The following PDIA5 variants were observed in gnomAD, a reference collection of about 807,000 sequenced individuals.
The protein encoded by PDIA5 is protein disulfide isomerase family A member 5.
PDIA5 carries 58 observed loss-of-function variants against 77.6 expected under a neutral mutation model. The observed-to-expected ratio is 0.75, with a 90% confidence interval of 0.61 to 0.93. PDIA5 has a LOEUF of 0.93. PDIA5 is among the 40% of genes least tolerant of loss of function. PDIA5 has a pLI of 0.00. For missense variants in PDIA5, 630 were observed against 647.7 expected, an observed-to-expected ratio of 0.97 and a Z score of 0.30; for synonymous variants, 250 against 252.1, an observed-to-expected ratio of 0.99 and a Z score of 0.08.
chr3:123,120,646 C>G (rs1169677154), intron 8 of PDIA5, among the ~76,000 whole-genome samples: 1 of 152,246 alleles, frequency 6.6e-6, no homozygotes, highest in African/African-American at 2.4e-5. Flanking sequence ...CCCCTAAGTG[C>G]CAGTGCCACG....
At chr3:123,096,681 G>T (rs1560510228) in intron 3 of PDIA5, among the ~76,000 whole-genome samples, 1 of 152,168 alleles carries the variant, frequency 6.6e-6, no homozygotes, top group Non-Finnish European at 1.5e-5. Flanking sequence ...TGGGGTGTCT[G>T]TAGGGCATCT....
Position 123,111,641 on chromosome 3 carries a change from C to G in PDIA5, c.541+637C>G, listed in dbSNP as rs1322342693. Among the ~76,000 whole-genome samples, 4 of 152,252 alleles carry G rather than the reference C, an allele frequency of 2.6e-5. No homozygotes were observed. The East Asian group carries it at 7.7e-4, about 29-fold the overall frequency. ...GGGTGAACTTGGCCAAGTCCTTCCTCACTAGGTCTCAGTTTCCACATCTGT... is the reference window on the plus strand; with the variant it reads ...GGGTGAACTTGGCCAAGTCCTTCCTGACTAGGTCTCAGTTTCCACATCTGT... On this transcript the variant is annotated intron_variant, in intron 7 of 16. Transcript: ENST00000316218.
chr3:123,108,244 G>A lies in PDIA5; in HGVS notation c.480+1403G>A, dbSNP rs138681541. On this transcript the variant is annotated intron_variant, in intron 6 of 16. Transcript: ENST00000316218. ...TTAAGGACTGGGCACAACATTCTCT[G>A]GGATACAAAGAGCCAGTATTGTCAT... 4.6e-5 allele frequency among the ~76,000 whole-genome samples: 7 copies of A among 151,672 alleles called. No individual in the cohort carries two copies. In the East Asian group the frequency reaches 9.8e-4, roughly 21 times the overall value.
At chr3:123,129,952 G>A (rs1935334784) in intron 10 of PDIA5, among the ~76,000 whole-genome samples, 1 of 152,036 alleles carries the variant, frequency 6.6e-6, no homozygotes, top group African/African-American at 2.4e-5. Context: ...CCCCCATGTG[G>A]CAGCTTCCCC....
At chr3:123,138,594 G>GA (rs1935550385) in intron 11 of PDIA5, among the ~76,000 whole-genome samples, 1 of 152,110 alleles carries the variant, frequency 6.6e-6, no homozygotes, top group African/African-American at 2.4e-5. Context: ...TAACATAAAG[G>GA]AAAAAACAAA....
intron 1 of PDIA5, among the ~76,000 whole-genome samples, chr3:123,073,035 T>G (rs1933766295): frequency 6.6e-6 from 1 of 152,140 alleles, no homozygotes; most frequent in African/African-American, 2.4e-5. Flanking sequence ...GCTGGCCCAT[T>G]CCTTCTGCCT....
chr3:123,089,382 A>G (rs1934229549), intron 2 of PDIA5, 88 bp downstream of exon 2: 1 of 1,338,248 alleles, frequency 7.5e-7, no homozygotes, highest in Non-Finnish European at 1.1e-6. Context: ...CGTTAGGATG[A>G]AAACCACTTA....
intron 10 of PDIA5, among the ~76,000 whole-genome samples, chr3:123,126,873 G>A (rs762732798): frequency 6.6e-6 from 1 of 152,224 alleles, no homozygotes; most frequent in African/African-American, 2.4e-5. Context: ...AGGGCAGGGA[G>A]TCAGCCCCTG....
intron 11 of PDIA5, among the ~76,000 whole-genome samples, chr3:123,139,900 C>G (rs760697223): frequency 2.6e-5 from 4 of 152,314 alleles, no homozygotes; most frequent in Admixed American, 6.5e-5. Context: ...CCTGCACATA[C>G]AGAGCCTCCA....
At chr3:123,105,443 C>T (rs915422774) in intron 5 of PDIA5, among the ~76,000 whole-genome samples, 1 of 152,104 alleles carries the variant, frequency 6.6e-6, no homozygotes, top group Non-Finnish European at 1.5e-5. Flanking sequence ...CTTATGTTGT[C>T]ATGGCAAAGC....
chr3:123,083,735 T>G (rs944991006), intron 1 of PDIA5, among the ~76,000 whole-genome samples: 2 of 152,200 alleles, frequency 1.3e-5, no homozygotes, highest in Non-Finnish European at 2.9e-5. Flanking sequence ...TAGTTATTGT[T>G]GTTATCAAGG....
chr3:123,122,211 G>C (rs991430272), intron 8 of PDIA5, among the ~76,000 whole-genome samples: 1 of 152,190 alleles, frequency 6.6e-6, no homozygotes, highest in East Asian at 1.9e-4. Flanking sequence ...GTGATGTAAT[G>C]AGCGAGGAGG....
intron 1 of PDIA5, among the ~76,000 whole-genome samples, chr3:123,082,201 G>T (rs1315075755): frequency 6.6e-6 from 1 of 152,112 alleles, no homozygotes; most frequent in East Asian, 1.9e-4. Flanking sequence ...GGTTGCTTCG[G>T]TAGGCCCTGC....
At chr3:123,143,637 T>C (rs1449945958) in intron 11 of PDIA5, among the ~76,000 whole-genome samples, 1 of 152,130 alleles carries the variant, frequency 6.6e-6, no homozygotes, top group Non-Finnish European at 1.5e-5. Context: ...CTGATGCCTT[T>C]TCTACCCTTT....
chr3:123,086,266 C>G (rs1464078638), intron 1 of PDIA5, among the ~76,000 whole-genome samples: 2 of 152,158 alleles, frequency 1.3e-5, no homozygotes. Flanking sequence ...ATAAATTATC[C>G]CATTTCATCC....
intron 11 of PDIA5, among the ~76,000 whole-genome samples, chr3:123,137,776 G>A (rs1027396592): frequency 5.3e-5 from 8 of 152,170 alleles, no homozygotes; most frequent in Non-Finnish European, 1.0e-4. Flanking sequence ...CCTAACCACT[G>A]AGCCATTCTG....
intron 12 of PDIA5, 54 bp from the exon 13 acceptor site, chr3:123,146,045 C>T: frequency 6.4e-7 from 1 of 1,563,742 alleles, no homozygotes; most frequent in Non-Finnish European, 8.8e-7. Context: ...TCCTGTGTTC[C>T]ACCAGCACCG....
chr3:123,134,233 A>G (rs1394472051), intron 11 of PDIA5, among the ~76,000 whole-genome samples: 2 of 152,156 alleles, frequency 1.3e-5, no homozygotes, highest in African/African-American at 4.8e-5. Flanking sequence ...TTTGTTGCCC[A>G]GGCTGGTCTG....
intron 1 of PDIA5, among the ~76,000 whole-genome samples, chr3:123,071,833 C>T (rs1416228833): frequency 6.6e-6 from 1 of 152,142 alleles, no homozygotes; most frequent in Non-Finnish European, 1.5e-5. Context: ...AGCCCAGGGC[C>T]TGGCATGTCG....
Sources: gnomAD v4.1 joint callset for allele counts (sites outside exome capture counted in the v4.1 genomes callset) on GRCh38, gnomAD v4.1.1 for gene constraint, MANE v1.5 for transcripts, NCBI Gene and HGNC (gene_info 2026-07-23, HGNC 2026-07-21) for gene names.